Variants in PDE7B observed in about 807,000 individuals in gnomAD.
The protein encoded by PDE7B is 3',5'-cyclic-AMP phosphodiesterase 7B.
A neutral mutation model predicts 56.2 loss-of-function variants in PDE7B; 29 were observed. The ratio of observed to expected loss-of-function variants is 0.52; its 90% CI spans 0.38 to 0.70. The LOEUF (loss-of-function observed/expected upper bound fraction) is 0.70. PDE7B is among the 30% of genes least tolerant of loss of function. The probability of loss-of-function intolerance (pLI) is 0.00; values close to 1 mark genes in which losing one functional copy is unlikely to be tolerated. For missense variants in PDE7B, 490 were observed against 565.0 expected (o/e 0.87, Z 1.35); for synonymous variants, 197 against 196.9 (o/e 1.00, Z 0.00).
chr6:135,940,081 A>G (rs1456258981), intron 1 of PDE7B, among the ~76,000 whole-genome samples: 2 of 151,992 alleles, frequency 1.3e-5, no homozygotes, highest in African/African-American at 4.8e-5. Flanking sequence ...TTTTTCTCCA[A>G]TCCCCTCTGT....
chr6:136,042,788 G>A (rs1776434682), intron 2 of PDE7B, among the ~76,000 whole-genome samples: 1 of 152,166 alleles, frequency 6.6e-6, no homozygotes, highest in South Asian at 2.1e-4. Context: ...GTTGAAGAAT[G>A]AACATTTCGA....
chr6:135,988,396 C>T lies in PDE7B; in HGVS notation c.82+40872C>T, dbSNP rs146092998. Among the ~76,000 whole-genome samples the T allele has an allele frequency of 3.5e-3, 533 of 152,124 alleles. 1 individual carries two copies. The highest frequency in any genetic ancestry group is 0.011 in the African/African-American group (451 of 41,480). On this transcript the variant is annotated intron_variant, in intron 2 of 12. Coordinates refer to ENST00000308191, the MANE Select transcript of PDE7B (RefSeq NM_018945.4). ...TTAGCACTGAGCTCATTTAGGCAGGCAATCCTCTTTCAGAGACATTCTAAT... is the reference window on the plus strand; with the variant it reads ...TTAGCACTGAGCTCATTTAGGCAGGTAATCCTCTTTCAGAGACATTCTAAT...
intron 1 of PDE7B, among the ~76,000 whole-genome samples, chr6:135,887,893 A>G (rs1402227790): frequency 6.6e-6 from 1 of 152,160 alleles, no homozygotes; most frequent in East Asian, 1.9e-4. Context: ...CCCAATGTTT[A>G]GATTCCCCTG....
intron 3 of PDE7B, among the ~76,000 whole-genome samples, chr6:136,110,295 C>G (rs1046255925): frequency 6.6e-6 from 1 of 152,062 alleles, no homozygotes; most frequent in Non-Finnish European, 1.5e-5. Flanking sequence ...TTCCTTATAC[C>G]CTGAATGGGC....
chr6:135,915,773 AG>A (rs1251749087), intron 1 of PDE7B, among the ~76,000 whole-genome samples: 1 of 152,222 alleles, frequency 6.6e-6, no homozygotes, highest in Non-Finnish European at 1.5e-5. Flanking sequence ...CACCTGTTGA[AG>A]AACTTCATCC....
intron 2 of PDE7B, among the ~76,000 whole-genome samples, chr6:135,979,556 C>A (rs1431779797): frequency 6.6e-6 from 1 of 152,038 alleles, no homozygotes; most frequent in Admixed American, 6.6e-5. Context: ...AATTTCAGAT[C>A]CTGTTATTGG....
intron 2 of PDE7B, among the ~76,000 whole-genome samples, chr6:136,084,038 G>GT (rs1777248023): frequency 6.6e-6 from 1 of 152,074 alleles, no homozygotes; most frequent in Non-Finnish European, 1.5e-5. Flanking sequence ...ACTTTTCTAT[G>GT]TAACAATTTT....
chr6:136,166,767 C>G (rs1778800533), intron 8 of PDE7B, among the ~76,000 whole-genome samples: 1 of 152,158 alleles, frequency 6.6e-6, no homozygotes, highest in Non-Finnish European at 1.5e-5. Context: ...CAGATACAAA[C>G]CATTTCAACC....
intron 2 of PDE7B, among the ~76,000 whole-genome samples, chr6:136,040,261 C>G (rs904055231): frequency 1.3e-5 from 2 of 152,174 alleles, no homozygotes; most frequent in African/African-American, 4.8e-5. Context: ...TTTATAACAC[C>G]TTTCCAAAGG....
intron 11 of PDE7B, among the ~76,000 whole-genome samples, chr6:136,182,929 C>T (rs975579794): frequency 3.3e-5 from 5 of 151,920 alleles, no homozygotes; most frequent in Non-Finnish European, 5.9e-5. Flanking sequence ...AAAAATCAGC[C>T]GGGCGTGGCG....
intron 2 of PDE7B, among the ~76,000 whole-genome samples, chr6:136,025,034 C>G (rs988309499): frequency 6.6e-6 from 1 of 152,186 alleles, no homozygotes; most frequent in East Asian, 1.9e-4. Context: ...AGTTCTAACC[C>G]TTCAATAATT....
intron 2 of PDE7B, among the ~76,000 whole-genome samples, chr6:136,010,528 C>T (rs1231169951): frequency 1.3e-5 from 2 of 151,844 alleles, no homozygotes; most frequent in Non-Finnish European, 2.9e-5. Context: ...GCCTCAGCTT[C>T]CCGAGTAGCT....
At chr6:135,901,608 G>T (rs1175911649) in intron 1 of PDE7B, among the ~76,000 whole-genome samples, 1 of 152,144 alleles carries the variant, frequency 6.6e-6, no homozygotes, top group Non-Finnish European at 1.5e-5. Flanking sequence ...AGCTGAGAAA[G>T]CTCTAGGTGG....
intron 2 of PDE7B, among the ~76,000 whole-genome samples, chr6:135,950,633 C>T (rs1368238639): frequency 1.3e-5 from 2 of 152,124 alleles, no homozygotes; most frequent in South Asian, 2.1e-4. Context: ...AAACCTCCCT[C>T]TCTACCCACT....
chr6:135,934,821 TTTAA>T (rs1276079759), intron 1 of PDE7B, among the ~76,000 whole-genome samples: 2 of 109,722 alleles, frequency 1.8e-5, no homozygotes, highest in East Asian at 4.6e-4. Context: ...TATATATATA[TTTAA>T]TAAATAAATA....
intron 2 of PDE7B, among the ~76,000 whole-genome samples, chr6:135,984,680 T>C (rs915042139): frequency 1.3e-5 from 2 of 152,160 alleles, no homozygotes; most frequent in African/African-American, 2.4e-5. Context: ...AGACAATTTC[T>C]TACTGCAGTG....
intron 2 of PDE7B, among the ~76,000 whole-genome samples, chr6:136,002,810 A>C (rs1775697931): frequency 6.6e-6 from 1 of 152,022 alleles, no homozygotes; most frequent in Non-Finnish European, 1.5e-5. Flanking sequence ...AAAGTCAACA[A>C]GGATACCCAG....
At chr6:136,048,109 C>CAGACAGACAGAT (rs747314841) in intron 2 of PDE7B, among the ~76,000 whole-genome samples, 1 of 132,082 alleles carries the variant, frequency 7.6e-6, no homozygotes, top group African/African-American at 2.6e-5. Flanking sequence ...GACAGACAGA[C>CAGACAGACAGAT]AGATAGATAG....
chr6:136,043,242 T>C (rs1583844537), intron 2 of PDE7B, among the ~76,000 whole-genome samples: 1 of 152,144 alleles, frequency 6.6e-6, no homozygotes. Flanking sequence ...TGAATGCAAA[T>C]TGAGTCAATA....
Sources: gnomAD v4.1 joint callset for allele counts (sites outside exome capture counted in the v4.1 genomes callset) on GRCh38, gnomAD v4.1.1 for gene constraint, MANE v1.5 for transcripts, NCBI Gene and HGNC (gene_info 2026-07-23, HGNC 2026-07-21) for gene names.